The following MAP4K3 variants were observed in gnomAD, a reference collection of about 807,000 sequenced individuals.
MAP4K3 encodes MAPK/ERK kinase kinase kinase 3.
Under a neutral mutation model 143.5 loss-of-function variants are expected in MAP4K3, and 94 were observed. That is an observed-to-expected ratio of 0.65 (90% confidence interval 0.55 to 0.78). MAP4K3 has a LOEUF of 0.78. Ranked by LOEUF, MAP4K3 falls within the 30% of genes least tolerant of loss-of-function variation. The pLI is 0.00. For missense variants in MAP4K3, 1,077 were observed against 1,068.1 expected, an observed-to-expected ratio of 1.01 and a Z score of -0.12; for synonymous variants, 416 against 347.2, an observed-to-expected ratio of 1.20 and a Z score of -2.20.
At chr2:39,307,916 C>T in intron 15 of MAP4K3, 27 bp downstream of exon 15, 1 of 1,492,790 alleles carries the variant, frequency 6.7e-7, no homozygotes, top group South Asian at 1.3e-5. Context: ...ACAATGCTGA[C>T]AAAGAAAATC....
chr2:39,330,483 C>T (rs1214357087), intron 8 of MAP4K3, among the ~76,000 whole-genome samples: 2 of 152,020 alleles, frequency 1.3e-5, no homozygotes, highest in Non-Finnish European at 2.9e-5. Context: ...GGAAGGAGTA[C>T]ATCATGAAAG....
chr2:39,377,758 G>C (rs140419955), intron 2 of MAP4K3, among the ~76,000 whole-genome samples: 1 of 152,140 alleles, frequency 6.6e-6, no homozygotes, highest in Non-Finnish European at 1.5e-5. Context: ...GACACCACAA[G>C]ACGTCAGCCT....
intron 1 of MAP4K3, among the ~76,000 whole-genome samples, chr2:39,395,514 G>A (rs528567326): frequency 6.6e-6 from 1 of 152,296 alleles, no homozygotes; most frequent in South Asian, 2.1e-4. Flanking sequence ...TTGACCTCAT[G>A]AGGCTAAACT....
Position 39,307,115 on chromosome 2 carries a change from GA to G in MAP4K3, c.1119+827del, listed in dbSNP as rs76799917. On this transcript the variant is annotated intron_variant, in intron 15 of 33. Coordinates refer to ENST00000263881, the MANE Select transcript of MAP4K3 (RefSeq NM_003618.4). ...AGAATCATTTAAGCCAATCAAAATT[GA>G]AAGATGTATGTTACTAAGGTAAAGA... Among the ~76,000 whole-genome samples, 18 of 152,258 alleles carry G rather than the reference GA, an allele frequency of 1.2e-4. No homozygotes were observed. In the East Asian group the frequency reaches 3.5e-3, roughly 29 times the overall value.
In MAP4K3 at chr2:39,334,032, C is replaced by T. The variant is rs1239441383; in HGVS notation, c.415-458G>A. On this transcript the variant is annotated intron_variant, in intron 6 of 33. Transcript: ENST00000263881. ...AAGAACCTCCCTTTCTAGGAACTCA[C>T]CATCAATTGAACCAGGGTTGGTATG... Among the ~76,000 whole-genome samples, 5 of 151,154 alleles carry T rather than the reference C, an allele frequency of 3.3e-5. No individual in the cohort carries two copies. The East Asian group carries it at 7.8e-4, about 24-fold the overall frequency.
intron 1 of MAP4K3, among the ~76,000 whole-genome samples, chr2:39,419,358 C>T (rs1273297579): frequency 1.3e-5 from 2 of 152,026 alleles, no homozygotes; most frequent in Admixed American, 6.5e-5. Flanking sequence ...TGTCTAAAAT[C>T]TTATAAAGCA....
At chr2:39,357,873 G>C (rs1366383715) in intron 2 of MAP4K3, among the ~76,000 whole-genome samples, 1 of 152,190 alleles carries the variant, frequency 6.6e-6, no homozygotes, top group East Asian at 1.9e-4. Context: ...TCTAGTGAAA[G>C]AGTTGCATAC....
intron 1 of MAP4K3, among the ~76,000 whole-genome samples, chr2:39,381,807 G>C (rs112431794): frequency 6.6e-6 from 1 of 152,208 alleles, no homozygotes; most frequent in African/African-American, 2.4e-5. Flanking sequence ...CTATTCCCCA[G>C]AGCCATCCAC....
Position 39,384,478 on chromosome 2 carries a change from G to A in MAP4K3, c.97-6355C>T, listed in dbSNP as rs566774600. On this transcript the variant is annotated intron_variant, in intron 1 of 33. Transcript: ENST00000263881. Reference sequence around the variant, plus strand: ...GGAGAATCGCTTGAACCCGGGAGGCGGAAGTTGCAGTGAGCTGAGATTGCG... The same window carrying A: ...GGAGAATCGCTTGAACCCGGGAGGCAGAAGTTGCAGTGAGCTGAGATTGCG... 4.6e-5 allele frequency among the ~76,000 whole-genome samples: 7 copies of A among 152,334 alleles called. No individual in the cohort carries two copies. In the East Asian group the frequency reaches 5.8e-4, roughly 13 times the overall value.
intron 15 of MAP4K3, among the ~76,000 whole-genome samples, chr2:39,305,716 G>C (rs951789404): frequency 6.6e-6 from 1 of 152,196 alleles, no homozygotes; most frequent in African/African-American, 2.4e-5. Context: ...CCTGATTATA[G>C]GGCAGGGAGC....
chr2:39,358,437 T>C (rs373834581), intron 2 of MAP4K3, among the ~76,000 whole-genome samples: 2 of 152,224 alleles, frequency 1.3e-5, no homozygotes, highest in East Asian at 1.9e-4. Flanking sequence ...TTTAATTTCA[T>C]CCAATTGTTA....
intron 1 of MAP4K3, among the ~76,000 whole-genome samples, chr2:39,392,987 G>C (rs1005365581): frequency 6.6e-6 from 1 of 152,160 alleles, no homozygotes; most frequent in Non-Finnish European, 1.5e-5. Flanking sequence ...GACTAAGCCA[G>C]GTGTCCATAA....
chr2:39,265,271 C>T lies in MAP4K3; in HGVS notation c.2068G>A (p.Gly690Arg). The T allele has an allele frequency of 6.2e-7, 1 of 1,613,306 alleles. No individual in the cohort carries two copies. Among genetic ancestry groups the T allele is most frequent in the Non-Finnish European group, 8.5e-7 (1 of 1,179,444 alleles). The stretch of plus-strand genomic sequence containing the variant: ...AGAACAATGCTAGTCTGAAGTGCTC[C>T]ACATAGGTATTTATGGCCCGTGTAA... ...NPYTGHKYLC[G>R]ALQTSIVLLE... The change falls in exon 28 of 34, where the codon GGA (glycine) becomes AGA (arginine). Residue 690 changes from glycine (G) to arginine (R), a missense_variant. Gly to Arg is a moderately radical substitution (Grantham distance 125). Coordinates refer to ENST00000263881, the MANE Select transcript of MAP4K3 (RefSeq NM_003618.4).
chr2:39,419,900 G>C lies in MAP4K3; in HGVS notation c.96+16992C>G, dbSNP rs183424238. Among the ~76,000 whole-genome samples, 481 of 152,310 alleles carry C rather than the reference G, an allele frequency of 3.2e-3. 2 individuals carry two copies. Among genetic ancestry groups the C allele is most frequent in the African/African-American group, 0.011 (467 of 41,564 alleles). ...TGGTTTTACTGACGGGATAGAAGAT[G>C]GTGGAGCACAGGATGGGGACAGGCA... On this transcript the variant is annotated intron_variant, in intron 1 of 33. Coordinates refer to ENST00000263881, the MANE Select transcript of MAP4K3 (RefSeq NM_003618.4).
chr2:39,287,892 T>C (rs913886121), intron 20 of MAP4K3, among the ~76,000 whole-genome samples: 8 of 152,152 alleles, frequency 5.3e-5, no homozygotes, highest in African/African-American at 1.9e-4. Context: ...GAGAGAAGGC[T>C]AAATATGAAA....
chr2:39,424,589 G>C (rs1422585170), intron 1 of MAP4K3, among the ~76,000 whole-genome samples: 1 of 152,042 alleles, frequency 6.6e-6, no homozygotes, highest in Non-Finnish European at 1.5e-5. Context: ...CAGCACTTTA[G>C]GAGGTTGAGG....
rs779806326 is a variant in MAP4K3, at chr2:39,326,229, T to G, written c.579A>C (p.Gln193His). 9 of 1,613,748 alleles carry G rather than the reference T, an allele frequency of 5.6e-6. No individual in the cohort carries two copies. The highest frequency in any genetic ancestry group is 7.6e-6 in the Non-Finnish European group (9 of 1,179,864). The change falls in exon 9 of 34, where the codon CAA becomes CAC. Residue 193 changes from glutamine (Q) to histidine (H), a missense_variant. Coordinates refer to ENST00000263881, the MANE Select transcript of MAP4K3 (RefSeq NM_003618.4). The part of the protein sequence containing the change: ...AAVERKGGYN[Q>H]LCDLWAVGIT... ...TTCCCACTGCCCAGAGATCACAGAG[T>G]TGATTGTAACCCCCCTTCCTCTCAA...
chr2:39,425,889 G>A (rs751236748), intron 1 of MAP4K3, among the ~76,000 whole-genome samples: 21 of 152,116 alleles, frequency 1.4e-4, no homozygotes, highest in Admixed American at 3.3e-4. Context: ...AGAAATTAAC[G>A]GAGTTAGAAA....
chr2:39,287,065 G>A, intron 20 of MAP4K3, 101 bp from the exon 21 acceptor site: 1 of 595,052 alleles, frequency 1.7e-6, no homozygotes. Context: ...CTGACATAGT[G>A]TCATTATTCA....
Sources: gnomAD v4.1 joint callset for allele counts (sites outside exome capture counted in the v4.1 genomes callset) on GRCh38, gnomAD v4.1.1 for gene constraint, MANE v1.5 for transcripts, NCBI Gene and HGNC (gene_info 2026-07-23, HGNC 2026-07-21) for gene names.